Variants in AGBL1 observed in about 807,000 individuals in gnomAD.
The protein encoded by AGBL1 is AGBL carboxypeptidase 1.
Under a neutral mutation model 118.9 loss-of-function variants are expected in AGBL1, and 130 were observed. The ratio of observed to expected loss-of-function variants is 1.09; its 90% CI spans 0.95 to 1.26. The LOEUF (loss-of-function observed/expected upper bound fraction) is 1.26. AGBL1 is among the 50% of genes most tolerant of loss of function. The probability of loss-of-function intolerance (pLI) is 0.00; values close to 1 mark genes in which losing one functional copy is unlikely to be tolerated. For synonymous variants in AGBL1, 555 were observed against 478.9 expected, an observed-to-expected ratio of 1.16 and a Z score of -2.08; for missense variants, 1,584 against 1,298.1, an observed-to-expected ratio of 1.22 and a Z score of -3.38.
chr15:86,236,940 G>GC (rs2078556423), intron 6 of AGBL1, among the ~76,000 whole-genome samples: 1 of 68,802 alleles, frequency 1.5e-5, no homozygotes, highest in African/African-American at 5.9e-5. Flanking sequence ...GGCGGGGGGG[G>GC]GCGGGGGGGG....
At chr15:86,881,194 T>G (rs1296699172) in intron 22 of AGBL1, among the ~76,000 whole-genome samples, 1 of 152,220 alleles carries the variant, frequency 6.6e-6, no homozygotes, top group Admixed American at 6.5e-5. Context: ...AAGACAGAAA[T>G]GCAATTTTTT....
intron 23 of AGBL1, among the ~76,000 whole-genome samples, chr15:86,935,377 T>C (rs1008108137): frequency 5.3e-5 from 8 of 152,194 alleles, no homozygotes; most frequent in Admixed American, 4.6e-4. Context: ...CTCTAAGGCA[T>C]TGGATTTGCT....
chr15:86,798,622 A>G (rs1255037089), intron 22 of AGBL1, among the ~76,000 whole-genome samples: 1 of 151,476 alleles, frequency 6.6e-6, no homozygotes, highest in Non-Finnish European at 1.5e-5. Context: ...TGTTTGATAA[A>G]TATTATTTAT....
intron 22 of AGBL1, among the ~76,000 whole-genome samples, chr15:86,781,509 A>C (rs887900603): frequency 6.6e-6 from 1 of 152,204 alleles, no homozygotes; most frequent in Non-Finnish European, 1.5e-5. Context: ...AATTATCATT[A>C]TGAGGATTTT....
chr15:87,028,826 G>C (rs760252380), exon 25 of AGBL1: 23 of 1,606,234 alleles, frequency 1.4e-5, no homozygotes, highest in Admixed American at 1.0e-4. Flanking sequence ...CCTTCTCAGA[G>C]TTTGTGACAC....
intron 22 of AGBL1, among the ~76,000 whole-genome samples, chr15:86,751,799 C>A (rs182603484): frequency 6.6e-6 from 1 of 152,168 alleles, no homozygotes; most frequent in African/African-American, 2.4e-5. Context: ...ACCTTAAGAT[C>A]AGTTAGAAAT....
At chr15:86,340,303 C>G (rs140612915) in intron 17 of AGBL1, among the ~76,000 whole-genome samples, 1 of 151,878 alleles carries the variant, frequency 6.6e-6, no homozygotes. Flanking sequence ...TGCCCCCCCC[C>G]CATTCATGTC....
chr15:86,333,702 G>C (rs150937821), intron 17 of AGBL1, among the ~76,000 whole-genome samples: 323 of 152,210 alleles, frequency 2.1e-3, no homozygotes, highest in African/African-American at 7.4e-3. Flanking sequence ...GCATCACCTT[G>C]ATACCAAAAC....
chr15:86,400,387 C>T (rs1008729065), intron 18 of AGBL1, among the ~76,000 whole-genome samples: 5 of 151,712 alleles, frequency 3.3e-5, no homozygotes, highest in Non-Finnish European at 7.4e-5. Context: ...ATGTTCTCAT[C>T]TTCACTGGTT....
chr15:86,785,199 A>G (rs955822978), intron 22 of AGBL1, among the ~76,000 whole-genome samples: 3 of 151,960 alleles, frequency 2.0e-5, no homozygotes, highest in Admixed American at 6.6e-5. Flanking sequence ...TCCAGATAGC[A>G]CTTAGTAAGG....
At chr15:86,748,273 T>G (rs1274262668) in intron 22 of AGBL1, among the ~76,000 whole-genome samples, 1 of 152,160 alleles carries the variant, frequency 6.6e-6, no homozygotes, top group Admixed American at 6.5e-5. Flanking sequence ...AGCATAAATG[T>G]CTTCTTTTGA....
intron 24 of AGBL1, among the ~76,000 whole-genome samples, chr15:87,011,461 G>A (rs1567286276): frequency 6.6e-6 from 1 of 152,222 alleles, no homozygotes; most frequent in South Asian, 2.1e-4. Context: ...GTATACTTAG[G>A]AAGTGAATGT....
At chr15:87,024,950 C>T (rs2081710054) in intron 24 of AGBL1, among the ~76,000 whole-genome samples, 1 of 151,954 alleles carries the variant, frequency 6.6e-6, no homozygotes, top group Non-Finnish European at 1.5e-5. Context: ...TTAAAACTCT[C>T]AGTAAAATCG....
chr15:86,286,707 A>G (rs7496745), intron 16 of AGBL1, among the ~76,000 whole-genome samples: 4 of 133,356 alleles, frequency 3.0e-5, no homozygotes, highest in African/African-American at 9.6e-5. Context: ...GTGTGTGTGT[A>G]TATATATGTG....
chr15:86,295,665 C>T (rs536832666), intron 17 of AGBL1: 2 of 300,198 alleles, frequency 6.7e-6, no homozygotes, highest in South Asian at 9.4e-5. Flanking sequence ...ATGATGGTCA[C>T]TTCCTCTCTT....
At chr15:86,161,149 G>T (rs1428366070) in intron 5 of AGBL1, among the ~76,000 whole-genome samples, 1 of 152,158 alleles carries the variant, frequency 6.6e-6, no homozygotes, top group Non-Finnish European at 1.5e-5. Context: ...GCCTTCCAGG[G>T]ATTCCAGGCA....
intron 5 of AGBL1, among the ~76,000 whole-genome samples, chr15:86,189,082 C>G (rs1372984021): frequency 6.6e-6 from 1 of 152,078 alleles, no homozygotes; most frequent in Non-Finnish European, 1.5e-5. Context: ...AAAGGGCAAC[C>G]AAATTAAACA....
intron 17 of AGBL1, among the ~76,000 whole-genome samples, chr15:86,395,603 C>T (rs1272641473): frequency 6.6e-6 from 1 of 152,036 alleles, no homozygotes; most frequent in Admixed American, 6.6e-5. Context: ...CTCAAGACAC[C>T]TGCTTAAGGG....
intron 22 of AGBL1, among the ~76,000 whole-genome samples, chr15:86,808,614 C>T (rs1264963746): frequency 6.9e-6 from 1 of 144,612 alleles, no homozygotes; most frequent in Admixed American, 7.1e-5. Flanking sequence ...TCTTTCCTTC[C>T]TTCCCTTTCT....
Sources: allele counts gnomAD v4.1 joint callset (sites outside exome capture counted in the v4.1 genomes callset), GRCh38; gene constraint gnomAD v4.1.1; transcripts MANE v1.5; gene names NCBI Gene and HGNC (gene_info 2026-07-23, HGNC 2026-07-21).